KCNMA1: variants seen among roughly 807,000 people sequenced by gnomAD.
The protein encoded by KCNMA1 is Calcium-activated potassium channel subunit alpha-1.
A neutral mutation model predicts 140.0 loss-of-function variants in KCNMA1; 29 were observed. The ratio of observed to expected loss-of-function variants is 0.21; its 90% CI spans 0.15 to 0.28. The LOEUF (loss-of-function observed/expected upper bound fraction) is 0.28, where lower values mean the gene tolerates loss of function less well. KCNMA1 is among the 10% of genes least tolerant of loss of function. The pLI, the probability that KCNMA1 is intolerant of heterozygous loss-of-function variation, is 1.00. For missense variants in KCNMA1, 880 were observed against 1,602.2 expected, an observed-to-expected ratio of 0.55 and a Z score of 7.70; for synonymous variants, 612 against 611.9, an observed-to-expected ratio of 1.00 and a Z score of 0.00.
chr10:77,118,225 A>G (rs958568611), intron 6 of KCNMA1, among the ~76,000 whole-genome samples: 2 of 152,196 alleles, frequency 1.3e-5, no homozygotes, highest in African/African-American at 4.8e-5. Context: ...CCGCTATGAA[A>G]GCAGCAGAGT....
chr10:77,140,432 T>G (rs1222686532), intron 5 of KCNMA1: 3 of 152,546 alleles, frequency 2.0e-5, no homozygotes, highest in Non-Finnish European at 4.4e-5. Flanking sequence ...TTGCGGCGCC[T>G]GCCGGGTCTG....
At chr10:77,175,005 G>A (rs890643389) in intron 5 of KCNMA1, among the ~76,000 whole-genome samples, 2 of 152,102 alleles carry the variant, frequency 1.3e-5, no homozygotes, top group Admixed American at 6.6e-5. Flanking sequence ...ATAAAAATTC[G>A]AGAACCATCC....
At chr10:76,990,513 T>C (rs1380096759) in intron 19 of KCNMA1, among the ~76,000 whole-genome samples, 1 of 152,202 alleles carries the variant, frequency 6.6e-6, no homozygotes, top group Non-Finnish European at 1.5e-5. Context: ...GAAGGAGCAG[T>C]GTTTCCAGCA....
chr10:77,443,515 C>CTT (rs2097455703), intron 1 of KCNMA1, among the ~76,000 whole-genome samples: 1 of 151,998 alleles, frequency 6.6e-6, no homozygotes, highest in Non-Finnish European at 1.5e-5. Flanking sequence ...AGTTCAGAGA[C>CTT]CCCAGCACAC....
rs143593000 is a variant in KCNMA1, at chr10:77,436,528, G to C, written c.379-32505C>G. On this transcript the variant is annotated intron_variant, in intron 1 of 27. Transcript: ENST00000286628. Reference sequence around the variant, plus strand: ...CTGCACCATTGGTTCGCCAAGCTTTGTGCTACATGCTTCACTTACAGTATC... The same window carrying C: ...CTGCACCATTGGTTCGCCAAGCTTTCTGCTACATGCTTCACTTACAGTATC... 5.9e-4 allele frequency among the ~76,000 whole-genome samples: 90 copies of C among 152,308 alleles called. 1 individual carries two copies. The highest frequency in any genetic ancestry group is 2.2e-3 in the African/African-American group (90 of 41,550).
intron 14 of KCNMA1, among the ~76,000 whole-genome samples, chr10:77,055,081 C>G (rs887915860): frequency 1.5e-4 from 23 of 152,168 alleles, no homozygotes; most frequent in African/African-American, 5.1e-4. Context: ...ACAGGGCAAA[C>G]ATAGCATATG....
At chr10:77,113,395 G>A (rs1034677716) in intron 6 of KCNMA1, among the ~76,000 whole-genome samples, 1 of 152,132 alleles carries the variant, frequency 6.6e-6, no homozygotes, top group African/African-American at 2.4e-5. Context: ...ATTAAATTTT[G>A]TGTGAACCTA....
intron 2 of KCNMA1, among the ~76,000 whole-genome samples, chr10:77,292,333 A>G (rs1442430349): frequency 6.6e-6 from 1 of 152,182 alleles, no homozygotes; most frequent in Non-Finnish European, 1.5e-5. Flanking sequence ...CCATCCAACA[A>G]TTGCTTGCTG....
At chr10:77,149,181 C>A (rs1361884150) in intron 5 of KCNMA1, among the ~76,000 whole-genome samples, 1 of 152,208 alleles carries the variant, frequency 6.6e-6, no homozygotes, top group Admixed American at 6.5e-5. Flanking sequence ...TGATTCACAT[C>A]TCTGCTTTTG....
chr10:76,954,700 T>C (rs554289014), intron 20 of KCNMA1, among the ~76,000 whole-genome samples: 13 of 152,180 alleles, frequency 8.5e-5, no homozygotes, highest in Non-Finnish European at 1.8e-4. Flanking sequence ...CTGCTGCATA[T>C]CTTAGATGAG....
intron 2 of KCNMA1, among the ~76,000 whole-genome samples, chr10:77,377,178 G>T (rs570198844): frequency 1.3e-5 from 2 of 152,258 alleles, no homozygotes; most frequent in African/African-American, 2.4e-5. Flanking sequence ...TTCCAGGGCA[G>T]CTTCCTCCCG....
At chr10:77,287,454 T>C (rs1272772045) in intron 2 of KCNMA1, among the ~76,000 whole-genome samples, 1 of 152,210 alleles carries the variant, frequency 6.6e-6, no homozygotes, top group Non-Finnish European at 1.5e-5. Context: ...GAAGAGACTG[T>C]CTAGTCCAGA....
rs372423105 is a variant in KCNMA1 at position 76,923,411 on chromosome 10, A to G, written c.2903-8362T>C. On this transcript the variant is annotated intron_variant, in intron 23 of 27. Coordinates refer to ENST00000286628, the MANE Select transcript of KCNMA1 (RefSeq NM_001161352.2). ...ACCACTGCACTCCAGCCTGGGCAAC[A>G]AAGCGAGACTCCGTCTCAAAAAAAA... is the stretch of plus-strand genomic sequence containing the variant. Among the ~76,000 whole-genome samples, 832 of 151,718 alleles carry G rather than the reference A, an allele frequency of 5.5e-3. 6 individuals are homozygous for G. The highest frequency in any genetic ancestry group is 0.019 in the African/African-American group (787 of 41,248).
At chr10:77,251,051 G>C in intron 3 of KCNMA1, 144 bp downstream of exon 3, 1 of 720,264 alleles carries the variant, frequency 1.4e-6, no homozygotes, top group South Asian at 1.5e-5. Flanking sequence ...TAGAAAATCA[G>C]TACAGTACAG....
At chr10:77,325,266 C>T (rs1474769130) in intron 2 of KCNMA1, among the ~76,000 whole-genome samples, 1 of 152,206 alleles carries the variant, frequency 6.6e-6, no homozygotes, top group Non-Finnish European at 1.5e-5. Context: ...TTCCCTGCCA[C>T]AGTGAGTCCA....
chr10:77,544,150 C>CTGTGTG (rs35370605), intron 1 of KCNMA1, among the ~76,000 whole-genome samples: 1,503 of 142,526 alleles, frequency 0.011, 17 homozygotes, highest in African/African-American at 0.018. Context: ...ATCTTTCCAG[C>CTGTGTG]TGTGTGTGTG....
rs112158762 is a variant in KCNMA1, at chr10:77,382,206, T to C, written c.540+21656A>G. On this transcript the variant is annotated intron_variant, in intron 2 of 27. Transcript: ENST00000286628. The stretch of plus-strand genomic sequence containing the variant: ...CCTGCTGGAGGAGCTGTGGTGAGCA[T>C]GTGAAGGGAGGTTCTGAAGGCTTCA... Among the ~76,000 whole-genome samples the C allele has an allele frequency of 4.2e-3, 643 of 152,078 alleles. 6 individuals carry two copies. Among genetic ancestry groups the C allele is most frequent in the African/African-American group, 0.015 (606 of 41,474 alleles).
At chr10:77,064,037 G>A (rs1260309701) in intron 14 of KCNMA1, 21 of 985,158 alleles carry the variant, frequency 2.1e-5, no homozygotes, top group Non-Finnish European at 2.5e-5. Context: ...CCCCATCCTC[G>A]CTGGGCACCG....
intron 2 of KCNMA1, among the ~76,000 whole-genome samples, chr10:77,291,900 C>T (rs1601491541): frequency 6.6e-6 from 1 of 152,180 alleles, no homozygotes; most frequent in South Asian, 2.1e-4. Context: ...AGTTAAGGAT[C>T]ACTAGGAATG....
Sources: allele counts gnomAD v4.1 joint callset (sites outside exome capture counted in the v4.1 genomes callset), GRCh38; gene constraint gnomAD v4.1.1; transcripts MANE v1.5; gene names NCBI Gene and HGNC (gene_info 2026-07-23, HGNC 2026-07-21).